MTCL1: variants seen among roughly 807,000 people sequenced by gnomAD.
The protein encoded by MTCL1 is microtubule cross-linking factor 1.
A neutral mutation model predicts 141.4 loss-of-function variants in MTCL1; 79 were observed. The observed-to-expected ratio is 0.56, with a 90% confidence interval of 0.47 to 0.67. The LOEUF (loss-of-function observed/expected upper bound fraction) is 0.67, where lower values mean the gene tolerates loss of function less well. MTCL1 is among the 30% of genes least tolerant of loss of function. MTCL1 has a pLI of 0.00. For synonymous variants in MTCL1, 914 were observed against 875.8 expected, an observed-to-expected ratio of 1.04 and a Z score of -0.77; for missense variants, 2,177 against 2,113.9, an observed-to-expected ratio of 1.03 and a Z score of -0.59.
exon 12 of MTCL1, chr18:8,813,089 C>T: frequency 2.5e-6 from 4 of 1,614,206 alleles, no homozygotes; most frequent in Non-Finnish European, 3.4e-6. Context: ...CAGACAGTCA[C>T]AGCCTGGTCA....
chr18:8,784,107 C>T (rs200063005), exon 6 of MTCL1: 2 of 1,613,294 alleles, frequency 1.2e-6, no homozygotes, highest in Non-Finnish European at 1.7e-6. Context: ...GGGGGTGGGG[C>T]CCCCCTGCAG....
At chr18:8,707,602 C>G (rs657568) in intron 1 of MTCL1, 130,077 of 152,658 alleles carry the variant, frequency 0.85, 55,584 homozygotes, top group East Asian at 0.96. Flanking sequence ...TGTATTGACA[C>G]CAACTGTTTT....
At chr18:8,706,582 C>A (rs1348097393) in exon 1 of MTCL1, 32 of 1,491,584 alleles carry the variant, frequency 2.1e-5, no homozygotes, top group Non-Finnish European at 2.8e-5. Context: ...GCGCTCGCCA[C>A]CGGAGCGACC....
At chr18:8,706,642 G>T (rs550057611) in exon 1 of MTCL1, 3 of 1,546,124 alleles carry the variant, frequency 1.9e-6, no homozygotes, top group African/African-American at 2.7e-5. Flanking sequence ...GTCTCGGCTC[G>T]TGCCAGCGGC....
exon 12 of MTCL1, chr18:8,813,034 A>G (rs774769578): frequency 6.2e-7 from 1 of 1,614,198 alleles, no homozygotes; most frequent in South Asian, 1.1e-5. Context: ...GCTGAGAGCA[A>G]GGGGGCCTTG....
chr18:8,775,879 T>G (rs1268092740), intron 4 of MTCL1, among the ~76,000 whole-genome samples: 5 of 152,212 alleles, frequency 3.3e-5, no homozygotes, highest in African/African-American at 1.2e-4. Context: ...TTATCTATTT[T>G]ATATTTTCCG....
intron 4 of MTCL1, among the ~76,000 whole-genome samples, chr18:8,763,433 A>G (rs1012270796): frequency 6.6e-6 from 1 of 152,222 alleles, no homozygotes; most frequent in African/African-American, 2.4e-5. Context: ...TTCACTTCCA[A>G]AGAGATGTCA....
chr18:8,800,562 C>T (rs1343786044), intron 10 of MTCL1: 2 of 152,272 alleles, frequency 1.3e-5, no homozygotes, highest in African/African-American at 4.8e-5. Context: ...AGCTCGCAGT[C>T]ATGACCTGGG....
chr18:8,761,753 C>T (rs1318036652), intron 4 of MTCL1, among the ~76,000 whole-genome samples: 2 of 152,222 alleles, frequency 1.3e-5, no homozygotes, highest in African/African-American at 4.8e-5. Context: ...TGCAGGGAAA[C>T]TCCCCTTTAT....
At chr18:8,780,213 G>T (rs1023318733) in intron 5 of MTCL1, among the ~76,000 whole-genome samples, 1 of 152,204 alleles carries the variant, frequency 6.6e-6, no homozygotes, top group Admixed American at 6.5e-5. Context: ...CGTGGGGTTT[G>T]TGGTGAACAA....
chr18:8,825,449 G>T, exon 15 of MTCL1: 1 of 1,588,302 alleles, frequency 6.3e-7, no homozygotes, highest in Non-Finnish European at 8.6e-7. Context: ...AGACCAATGG[G>T]TCCCGGACGA....
At chr18:8,761,808 G>A (rs1204237199) in intron 4 of MTCL1, among the ~76,000 whole-genome samples, 2 of 152,186 alleles carry the variant, frequency 1.3e-5, no homozygotes, top group Non-Finnish European at 2.9e-5. Context: ...CACGAGAACA[G>A]CACAGGAAAG....
intron 4 of MTCL1, among the ~76,000 whole-genome samples, chr18:8,725,469 C>T (rs895197479): frequency 2.0e-5 from 3 of 152,168 alleles, no homozygotes; most frequent in Admixed American, 6.5e-5. Flanking sequence ...GGCATCATCA[C>T]TCAATATACA....
intron 4 of MTCL1, among the ~76,000 whole-genome samples, chr18:8,766,235 G>A (rs2096459151): frequency 6.6e-6 from 1 of 152,224 alleles, no homozygotes; most frequent in Admixed American, 6.5e-5. Context: ...TCAGCAGGGT[G>A]TGCCAAAGAA....
chr18:8,807,101 C>T lies in MTCL1; in HGVS notation c.2604+41C>T. 3 of 1,581,538 alleles carry T rather than the reference C, an allele frequency of 1.9e-6. No homozygotes were observed. The African/African-American group carries it at 4.0e-5, about 21-fold the overall frequency. On this transcript the variant is annotated intron_variant, in intron 11 of 16. Coordinates refer to ENST00000359865, the Ensembl canonical transcript of MTCL1. Reference sequence around the variant, plus strand: ...GTCTCCCTCGATCCTGACTGTGTGTCTCTGCTGTCCAGGATATGTGGCGGG... The same window carrying T: ...GTCTCCCTCGATCCTGACTGTGTGTTTCTGCTGTCCAGGATATGTGGCGGG...
chr18:8,815,869 A>G (rs7232053), intron 12 of MTCL1, among the ~76,000 whole-genome samples: 3 of 151,918 alleles, frequency 2.0e-5, no homozygotes, highest in African/African-American at 7.3e-5. Flanking sequence ...GCATCTGTTC[A>G]TGAAATCTGT....
At position 8,783,780 on chromosome 18, in the gene MTCL1, G is replaced by A. The variant is rs754737702; in HGVS notation, c.668G>A (p.Arg223Gln). The A allele has an allele frequency of 3.0e-5, 49 of 1,613,016 alleles. 1 individual carries two copies. The Admixed American group carries it at 4.2e-4, about 14-fold the overall frequency. ...GAGGAGGAAGCCAACATCTTGGGCC[G>A]GAAGATCGTGGAGCTGGAGGTGGAG... Residue 223 changes from arginine to glutamine, a missense_variant, in exon 6 of 17, where the codon CGG (arginine) becomes CAG (glutamine). Physicochemically the swap from Arg to Gln is conservative, Grantham distance 43. Transcript: ENST00000359865.
intron 5 of MTCL1, among the ~76,000 whole-genome samples, chr18:8,778,942 C>T (rs1474514671): frequency 6.6e-6 from 1 of 152,220 alleles, no homozygotes; most frequent in Admixed American, 6.5e-5. Flanking sequence ...AGCTGCTGCT[C>T]CTTGGGCGCG....
intron 4 of MTCL1, among the ~76,000 whole-genome samples, chr18:8,765,401 G>A (rs1338404546): frequency 1.3e-5 from 2 of 152,356 alleles, no homozygotes; most frequent in South Asian, 2.1e-4. Flanking sequence ...TCCATGCCAA[G>A]TCCCTGCACT....
Sources: allele counts gnomAD v4.1 joint callset (sites outside exome capture counted in the v4.1 genomes callset), GRCh38; gene constraint gnomAD v4.1.1; transcripts MANE v1.5; gene names NCBI Gene and HGNC (gene_info 2026-07-23, HGNC 2026-07-21).